Variants in CRYL1 observed in about 807,000 individuals in gnomAD.
CRYL1 encodes the protein lambda-crystallin homolog.
In CRYL1, 29 loss-of-function variants were observed where a neutral mutation model predicts 36.6. The ratio of observed to expected loss-of-function variants is 0.79; its 90% CI spans 0.59 to 1.08. The LOEUF (loss-of-function observed/expected upper bound fraction) is 1.08, where lower values mean the gene tolerates loss of function less well. CRYL1 is among the 50% of genes least tolerant of loss of function. The pLI, the probability that CRYL1 is intolerant of heterozygous loss-of-function variation, is 0.00. For missense variants in CRYL1, 411 were observed against 407.9 expected, an observed-to-expected ratio of 1.01 and a Z score of -0.06; for synonymous variants, 152 against 151.5, an observed-to-expected ratio of 1.00 and a Z score of -0.02.
chr13:20,499,085 G>A (rs934050070), intron 2 of CRYL1, among the ~76,000 whole-genome samples: 3 of 152,168 alleles, frequency 2.0e-5, no homozygotes, highest in African/African-American at 7.2e-5. Flanking sequence ...GCTCTTGCCT[G>A]TAATTGCAAC....
At chr13:20,468,415 C>T (rs1192229030) in intron 3 of CRYL1, among the ~76,000 whole-genome samples, 1 of 152,180 alleles carries the variant, frequency 6.6e-6, no homozygotes, top group African/African-American at 2.4e-5. Context: ...ATGCATGCCA[C>T]CACACTCAGC....
At position 20,425,851 on chromosome 13, in the gene CRYL1, T is replaced by C. The variant is rs532899634; in HGVS notation, c.633+6251A>G. 1.1e-4 allele frequency among the ~76,000 whole-genome samples: 17 copies of C among 152,044 alleles called. No individual in the cohort carries two copies. Among genetic ancestry groups the C allele is most frequent in the Non-Finnish European group, 2.4e-4 (16 of 68,018 alleles). On this transcript the variant is annotated intron_variant, in intron 5 of 7. Transcript: ENST00000298248. This position sits in a 1 kb window ranked among gnomAD's most constrained non-coding sequence, Gnocchi z 4.4. ...CGCAAACCTGGCTGACAGCATGAGA[T>C]CAGGCCCCAGTACACAGAGGCCCCA...
chr13:20,510,921 C>G (rs2033903771), intron 2 of CRYL1, among the ~76,000 whole-genome samples: 3 of 152,030 alleles, frequency 2.0e-5, no homozygotes, highest in Non-Finnish European at 4.4e-5. Flanking sequence ...AAAAAAAAGA[C>G]TGTGTCTACA....
intron 2 of CRYL1, among the ~76,000 whole-genome samples, chr13:20,502,996 C>T (rs537717812): frequency 4.0e-5 from 6 of 148,886 alleles, no homozygotes; most frequent in South Asian, 4.2e-4. Flanking sequence ...GCCGGAAGCA[C>T]GCAGGATCAT....
intron 4 of CRYL1, among the ~76,000 whole-genome samples, chr13:20,432,777 G>T (rs1433920768): frequency 1.3e-5 from 2 of 152,118 alleles, no homozygotes; most frequent in Non-Finnish European, 2.9e-5. Context: ...CAGAACTTTG[G>T]GAGGTCGAGG....
At chr13:20,442,438 T>A (rs2032370125) in intron 3 of CRYL1, among the ~76,000 whole-genome samples, 1 of 152,232 alleles carries the variant, frequency 6.6e-6, no homozygotes, top group Non-Finnish European at 1.5e-5. Flanking sequence ...CAGATACCCC[T>A]GGTCTGAAAA....
chr13:20,456,581 C>G (rs1398991455), intron 3 of CRYL1, among the ~76,000 whole-genome samples: 1 of 150,872 alleles, frequency 6.6e-6, no homozygotes, highest in African/African-American at 2.4e-5. Context: ...TGTACTCAGG[C>G]CTGGGCAAGA....
At chr13:20,490,008 T>G (rs1332635037) in intron 2 of CRYL1, among the ~76,000 whole-genome samples, 2 of 152,164 alleles carry the variant, frequency 1.3e-5, no homozygotes, top group East Asian at 3.9e-4. Context: ...GGATGAACCT[T>G]GAGGACATTC....
At chr13:20,446,466 A>G (rs1565966771) in intron 3 of CRYL1, among the ~76,000 whole-genome samples, 1 of 152,222 alleles carries the variant, frequency 6.6e-6, no homozygotes, top group Non-Finnish European at 1.5e-5. Flanking sequence ...TAAAAAAAGG[A>G]AAAGGCCCCC....
intron 6 of CRYL1, among the ~76,000 whole-genome samples, chr13:20,410,700 A>G (rs980566947): frequency 1.3e-5 from 2 of 152,222 alleles, no homozygotes; most frequent in Admixed American, 1.3e-4. Flanking sequence ...TGAATATAAC[A>G]TATATTAAGG....
chr13:20,483,015 A>C (rs533020854), intron 3 of CRYL1, among the ~76,000 whole-genome samples: 1 of 152,252 alleles, frequency 6.6e-6, no homozygotes, highest in Non-Finnish European at 1.5e-5. Flanking sequence ...TAGAGAGTAG[A>C]ATGGTGGACA....
At chr13:20,514,491 G>A (rs1161454266) in intron 1 of CRYL1, among the ~76,000 whole-genome samples, 1 of 152,144 alleles carries the variant, frequency 6.6e-6, no homozygotes, top group Non-Finnish European at 1.5e-5. Context: ...GAAAGTCTGC[G>A]TAACTGTCAC....
At position 20,461,470 on chromosome 13, in the gene CRYL1, T is replaced by C. The variant is rs565891151; in HGVS notation, c.277-21716A>G. ...CTTTTTTCATGTCTACTTTTATATG[T>C]AGTATGAAGTAAAATTTATTAATCT... On this transcript the variant is annotated intron_variant, in intron 3 of 7. Transcript: ENST00000298248. Among the ~76,000 whole-genome samples the C allele has an allele frequency of 4.3e-4, 65 of 152,320 alleles. 1 individual carries two copies. The highest frequency in any genetic ancestry group is 1.5e-3 in the African/African-American group (63 of 41,562).
At chr13:20,522,586 G>A (rs1461153381) in intron 1 of CRYL1, among the ~76,000 whole-genome samples, 2 of 152,124 alleles carry the variant, frequency 1.3e-5, no homozygotes, top group Non-Finnish European at 2.9e-5. Flanking sequence ...GGATACAAAT[G>A]GCAACAATAC....
chr13:20,439,519 AAAAAAAAAAAAG>A (rs2032305966), intron 4 of CRYL1, 62 bp downstream of exon 4: 1 of 856,008 alleles, frequency 1.2e-6, no homozygotes, highest in Non-Finnish European at 1.6e-6. Flanking sequence ...CCCCGCAAAA[AAAAAAAAAAAAG>A]AAAAAAAAAA....
At chr13:20,456,171 A>T (rs2032677227) in intron 3 of CRYL1, among the ~76,000 whole-genome samples, 1 of 152,156 alleles carries the variant, frequency 6.6e-6, no homozygotes, top group African/African-American at 2.4e-5. Context: ...TTAGGCAAAA[A>T]ATTTTAAGAA....
intron 2 of CRYL1, among the ~76,000 whole-genome samples, chr13:20,511,067 C>T (rs996466963): frequency 5.3e-5 from 8 of 151,972 alleles, no homozygotes; most frequent in African/African-American, 1.9e-4. Flanking sequence ...TGATTTTTGT[C>T]TGGTTGGCTT....
chr13:20,498,110 C>A (rs1449830442), intron 2 of CRYL1, among the ~76,000 whole-genome samples: 1 of 151,370 alleles, frequency 6.6e-6, no homozygotes, highest in Non-Finnish European at 1.5e-5. Context: ...ATACACACTA[C>A]ACACACCCCA....
intron 3 of CRYL1, among the ~76,000 whole-genome samples, chr13:20,452,620 A>G (rs1302625377): frequency 1.3e-5 from 2 of 152,200 alleles, no homozygotes; most frequent in East Asian, 1.9e-4. Flanking sequence ...ATGATACTAT[A>G]TTGATGGATA....
Sources: allele counts gnomAD v4.1 joint callset (sites outside exome capture counted in the v4.1 genomes callset), GRCh38; gene constraint gnomAD v4.1.1; non-coding constraint Gnocchi (gnomAD v3.1); transcripts MANE v1.5; gene names NCBI Gene and HGNC (gene_info 2026-07-23, HGNC 2026-07-21).